KCNMA1: variants seen among roughly 807,000 people sequenced by gnomAD.
KCNMA1 encodes Calcium-activated potassium channel subunit alpha-1.
KCNMA1 carries 29 observed loss-of-function variants against 140.0 expected under a neutral mutation model. That is an observed-to-expected ratio of 0.21 (90% CI 0.15 to 0.28). The LOEUF (loss-of-function observed/expected upper bound fraction) is 0.28, where lower values mean the gene tolerates loss of function less well. Ranked by LOEUF, KCNMA1 falls within the 10% of genes least tolerant of loss-of-function variation. KCNMA1 has a pLI of 1.00. For synonymous variants in KCNMA1, 612 were observed against 611.9 expected, an observed-to-expected ratio of 1.00 and a Z score of 0.00; for missense variants, 880 against 1,602.2, an observed-to-expected ratio of 0.55 and a Z score of 7.70.
At position 77,086,553 on chromosome 10, in the gene KCNMA1, G is replaced by T. The variant is rs749883195; in HGVS notation, c.1375C>A (p.His459Asn). 1 of 1,614,080 alleles carries T rather than the reference G, an allele frequency of 6.2e-7. No individual in the cohort carries two copies. Reference sequence around the variant, plus strand: ...TGATAAAATTCCACCTGAGTAAAATGTCGTTTGAACAGAGCTTCAAGCTCC... The same window carrying T: ...TGATAAAATTCCACCTGAGTAAAATTTCGTTTGAACAGAGCTTCAAGCTCC... ...NLELEALFKR[H>N]FTQVEFYQGS... Residue 459 changes from histidine (H) to asparagine (N), a missense_variant, in exon 11 of 28, where the codon CAT becomes AAT. This residue lies in a region of KCNMA1 where 198 missense variants were observed against 580.1 expected (regional missense o/e 0.34). Transcript: ENST00000286628.
chr10:77,483,377 C>G (rs138986201), intron 1 of KCNMA1, among the ~76,000 whole-genome samples: 1 of 152,234 alleles, frequency 6.6e-6, no homozygotes, highest in Non-Finnish European at 1.5e-5. Flanking sequence ...CTATTCATCA[C>G]CAGCCTCCTG....
chr10:77,505,066 G>A (rs2045344113), intron 1 of KCNMA1, among the ~76,000 whole-genome samples: 1 of 152,160 alleles, frequency 6.6e-6, no homozygotes, highest in South Asian at 2.1e-4. Flanking sequence ...AGGAGCACCA[G>A]GGTTAACGGC....
At chr10:77,556,314 G>T (rs1212686932) in intron 1 of KCNMA1, among the ~76,000 whole-genome samples, 1 of 151,954 alleles carries the variant, frequency 6.6e-6, no homozygotes, top group Non-Finnish European at 1.5e-5. Context: ...AGACCAGCCT[G>T]GCCAACATGG....
intron 29 of KCNMA1, among the ~76,000 whole-genome samples, chr10:76,878,119 A>C: frequency 6.6e-6 from 1 of 152,176 alleles, no homozygotes; most frequent in East Asian, 1.9e-4. Context: ...ACTGGGACTC[A>C]TAGGCACCAT....
chr10:77,228,576 T>G (rs1565355279), intron 3 of KCNMA1, among the ~76,000 whole-genome samples: 1 of 152,154 alleles, frequency 6.6e-6, no homozygotes, highest in African/African-American at 2.4e-5. Context: ...CTCCTCCGCT[T>G]CCCCAACACA....
At chr10:77,229,241 C>T (rs941020197) in intron 3 of KCNMA1, among the ~76,000 whole-genome samples, 1 of 151,184 alleles carries the variant, frequency 6.6e-6, no homozygotes, top group Admixed American at 6.6e-5. Flanking sequence ...CATGCAGATC[C>T]ATCTCCCTTA....
intron 2 of KCNMA1, among the ~76,000 whole-genome samples, chr10:77,394,509 T>C (rs2154447553): frequency 6.6e-6 from 1 of 152,268 alleles, no homozygotes; most frequent in East Asian, 1.9e-4. Flanking sequence ...GCCGAAGCAG[T>C]GGGCAGGTGG....
intron 19 of KCNMA1, among the ~76,000 whole-genome samples, chr10:77,000,854 G>C (rs12220262): frequency 1.9e-4 from 2 of 10,510 alleles, no homozygotes; most frequent in South Asian, 3.9e-3. Flanking sequence ...ATAGTAAAAA[G>C]AAAATATATA....
chr10:76,941,010 GAAGGAAGGAAGAAAGA>G (rs1200861135), intron 23 of KCNMA1, among the ~76,000 whole-genome samples: 759 of 32,104 alleles, frequency 0.024, 11 homozygotes, highest in African/African-American at 0.092. Flanking sequence ...AGGAAGGAAG[GAAGGAAGGAAGAAAGA>G]AAGAAAGAAA....
chr10:77,595,349 A>G (rs1197107878), intron 1 of KCNMA1, among the ~76,000 whole-genome samples: 10 of 24,606 alleles, frequency 4.1e-4, no homozygotes, highest in Non-Finnish European at 7.8e-4. Flanking sequence ...TCTGTCTCAA[A>G]AAAAAAAAAA....
chr10:77,168,892 A>G (rs1003084518), intron 5 of KCNMA1, among the ~76,000 whole-genome samples: 4 of 152,244 alleles, frequency 2.6e-5, no homozygotes, highest in African/African-American at 9.6e-5. Context: ...TAATTTTTTA[A>G]GGCTTTTTTG....
rs550857905 is a variant in KCNMA1, at chr10:77,348,113, G to A, written c.540+55749C>T. Among the ~76,000 whole-genome samples the A allele has an allele frequency of 5.3e-5, 8 of 152,290 alleles. No individual in the cohort carries two copies. In the South Asian group the frequency reaches 1.5e-3, roughly 28 times the overall value. On this transcript the variant is annotated intron_variant, in intron 2 of 27. Transcript: ENST00000286628. ...GCATTTTAGTTTCACTAGAATCACC[G>A]GGATAAACAGAGGCAAGCTAACCCC...
intron 13 of KCNMA1, among the ~76,000 whole-genome samples, chr10:77,078,889 C>T (rs1350615648): frequency 2.6e-5 from 4 of 152,194 alleles, no homozygotes; most frequent in Non-Finnish European, 5.9e-5. Flanking sequence ...TTCTGAACCT[C>T]GGGTTCCAAT....
intron 25 of KCNMA1, among the ~76,000 whole-genome samples, chr10:76,907,402 C>G (rs796190614): frequency 6.6e-6 from 1 of 152,180 alleles, no homozygotes; most frequent in East Asian, 1.9e-4. Flanking sequence ...CTACCATATG[C>G]CCCTTTGGCT....
chr10:77,275,702 C>T (rs557097868), intron 2 of KCNMA1, among the ~76,000 whole-genome samples: 3 of 152,326 alleles, frequency 2.0e-5, no homozygotes, highest in Non-Finnish European at 4.4e-5. Flanking sequence ...ACATCATCCA[C>T]TCCTGCAGGA....
chr10:77,482,281 G>A (rs964471409), intron 1 of KCNMA1, among the ~76,000 whole-genome samples: 33 of 152,228 alleles, frequency 2.2e-4, no homozygotes, highest in African/African-American at 7.7e-4. Flanking sequence ...ACGTGCATCT[G>A]TCCTGACTCC....
intron 23 of KCNMA1, among the ~76,000 whole-genome samples, chr10:76,935,595 G>A (rs1030193698): frequency 6.6e-6 from 1 of 152,116 alleles, no homozygotes; most frequent in Non-Finnish European, 1.5e-5. Context: ...ATAGGAATGT[G>A]TCTGGTGTAT....
intron 5 of KCNMA1, among the ~76,000 whole-genome samples, chr10:77,177,075 G>A (rs137969343): frequency 1.3e-5 from 2 of 152,236 alleles, no homozygotes; most frequent in East Asian, 3.9e-4. Flanking sequence ...GGGTGTAGGT[G>A]GCCTCTAGAA....
At chr10:76,965,515 C>G (rs2073537072) in intron 20 of KCNMA1, among the ~76,000 whole-genome samples, 5 of 152,178 alleles carry the variant, frequency 3.3e-5, no homozygotes, top group Admixed American at 3.3e-4. Context: ...TCCTCGAAAA[C>G]CTTCAGGGGT....
Sources: allele counts gnomAD v4.1 joint callset (sites outside exome capture counted in the v4.1 genomes callset), GRCh38; gene constraint gnomAD v4.1.1; regional missense constraint gnomAD v4.1.1; transcripts MANE v1.5; gene names NCBI Gene and HGNC (gene_info 2026-07-23, HGNC 2026-07-21).